Variants in ABR observed in about 807,000 individuals in gnomAD.
ABR encodes the protein active breakpoint cluster region-related protein.
A neutral mutation model predicts 107.2 loss-of-function variants in ABR; 35 were observed. The observed-to-expected ratio is 0.33, with a 90% CI of 0.25 to 0.43. ABR has a LOEUF of 0.43. Ranked by LOEUF, ABR falls within the 20% of genes least tolerant of loss-of-function variation. The pLI, the probability that ABR is intolerant of heterozygous loss-of-function variation, is 1.00. For synonymous variants in ABR, 498 were observed against 462.0 expected, an observed-to-expected ratio of 1.08 and a Z score of -1.00; for missense variants, 815 against 1,115.2, an observed-to-expected ratio of 0.73 and a Z score of 3.83.
chr17:1,175,411 C>CA (rs1030687714), intron 1 of ABR, among the ~76,000 whole-genome samples: 18 of 151,600 alleles, frequency 1.2e-4, no homozygotes, highest in African/African-American at 3.9e-4. Context: ...GACTCTGTCT[C>CA]AAAAAAAAGA....
rs991196237 is a variant in ABR, at chr17:1,066,934, C to G, written c.1182+143G>C. 5.1e-6 allele frequency: 4 copies of G among 779,512 alleles called. No individual in the cohort carries two copies. The African/African-American group carries it at 7.0e-5, about 14-fold the overall frequency. 48.3% of individuals were successfully genotyped at this position (779,512 alleles called of 1,614,324 possible). On this transcript the variant is annotated intron_variant, in intron 10 of 22. Coordinates refer to ENST00000302538, the MANE Select transcript of ABR (RefSeq NM_021962.5). ...ACTGACCCCCTCGATCTGCTTGGAG[C>G]TACTGTAGTCGGGGTCTTTCCCTTA...
At chr17:1,009,830 C>A (rs757626699) in intron 20 of ABR, 46 bp from the exon 21 acceptor site, 1 of 1,528,666 alleles carries the variant, frequency 6.5e-7, no homozygotes, top group Non-Finnish European at 9.1e-7. Flanking sequence ...CTGGGGCTCC[C>A]CGCCAGGGCC....
rs888327552 is a variant in ABR at position 1,078,037 on chromosome 17, C to CCCCCAG, written c.700+1292_700+1293insCTGGGG. On this transcript the variant is annotated intron_variant, in intron 6 of 22. Transcript: ENST00000302538. The surrounding 1 kb of genome is among the most constrained non-coding windows in gnomAD (Gnocchi z 7.5). ...ATGACATGCACCTGTCCCGGGACTTCCCCCCAGCCCCCAGCCAGCTGCGGG... is the reference window on the plus strand; with the variant it reads ...ATGACATGCACCTGTCCCGGGACTTCCCCCAGCCCCCAGCCCCCAGCCAGCTGCGGG... Among the ~76,000 whole-genome samples, 15 of 4,416 alleles carry CCCCCAG rather than the reference C, an allele frequency of 3.4e-3. No individual in the cohort carries two copies. Among genetic ancestry groups the CCCCCAG allele is most frequent in the Non-Finnish European group, 4.6e-3 (12 of 2,598 alleles). 2.9% of individuals were successfully genotyped at this position (4,416 alleles called of 152,430 possible).
chr17:1,169,208 G>A lies in ABR; in HGVS notation c.61+10459C>T, dbSNP rs558980225. On this transcript the variant is annotated intron_variant, in intron 1 of 22. Transcript: ENST00000302538. ...CGCAGGAAGAGGGTGAGCAGAGGAG[G>A]GCAGAGAAGACCTGGTGCGTCCCCC... Among the ~76,000 whole-genome samples the A allele has an allele frequency of 3.3e-5, 5 of 152,328 alleles. No homozygotes were observed. The East Asian group carries it at 9.6e-4, about 29-fold the overall frequency.
upstream of ABR, chr17:1,179,987 C>G (rs1468234491): frequency 2.1e-5 from 2 of 93,552 alleles, no homozygotes; most frequent in Non-Finnish European, 4.1e-5. This position sits in a 1 kb window ranked among gnomAD's most constrained non-coding sequence, Gnocchi z 4.9. Context: ...TGAGCAACTT[C>G]GCGGGGGGCG....
At chr17:1,042,180 A>G (rs79245702) in intron 16 of ABR, among the ~76,000 whole-genome samples, 1 of 100,702 alleles carries the variant, frequency 9.9e-6, no homozygotes, top group Admixed American at 1.1e-4. Flanking sequence ...ACGGACGGAC[A>G]GACGGATAAA....
At position 1,119,956 on chromosome 17, in the gene ABR, G is replaced by A. The variant is rs75330780; in HGVS notation, c.246+5227C>T. Among the ~76,000 whole-genome samples the A allele has an allele frequency of 1.7e-4, 26 of 152,266 alleles. No individual in the cohort carries two copies. The East Asian group carries it at 2.9e-3, about 17-fold the overall frequency. The stretch of plus-strand genomic sequence containing the variant: ...CGGGGTACAATGCCTATTCGCAGGC[G>A]TGATCCTAGCACCTCTCAGCCTCCA... On this transcript the variant is annotated intron_variant, in intron 2 of 22. Transcript: ENST00000302538.
chr17:1,169,125 G>T (rs994946790), intron 1 of ABR, among the ~76,000 whole-genome samples: 1 of 152,202 alleles, frequency 6.6e-6, no homozygotes, highest in Non-Finnish European at 1.5e-5. Context: ...GAGGGAGGAC[G>T]TGGGTTTTGT....
At chr17:1,015,986 T>C (rs1445850418) in intron 16 of ABR, among the ~76,000 whole-genome samples, 1 of 152,170 alleles carries the variant, frequency 6.6e-6, no homozygotes, top group African/African-American at 2.4e-5. Context: ...GCCCAGGAGT[T>C]CGAGACCAGC....
intron 1 of ABR, among the ~76,000 whole-genome samples, chr17:1,202,780 CTT>C (rs2150721122): frequency 6.6e-6 from 1 of 152,200 alleles, no homozygotes; most frequent in East Asian, 1.9e-4. Flanking sequence ...AAATGGCCCT[CTT>C]GTTTCAACAA....
At chr17:1,132,884 A>G (rs1163836912) in intron 1 of ABR, among the ~76,000 whole-genome samples, 4 of 152,210 alleles carry the variant, frequency 2.6e-5, no homozygotes, top group Admixed American at 6.5e-5. Flanking sequence ...TTAAGATAAT[A>G]ATAACAATAT....
intron 1 of ABR, among the ~76,000 whole-genome samples, chr17:1,129,464 G>A (rs925194992): frequency 1.3e-5 from 2 of 152,040 alleles, no homozygotes; most frequent in East Asian, 3.9e-4. Flanking sequence ...CCCAGGAGGC[G>A]GGGCTTGCAG....
Position 1,148,270 on chromosome 17 carries a change from G to A in ABR, c.62-22903C>T, listed in dbSNP as rs1008216787. ...ACGGATATTATTCGGCTTATATTCC[G>A]ACACAGGCCAATTCTGACATCGATG... On this transcript the variant is annotated intron_variant, in intron 1 of 22. Transcript: ENST00000302538. The surrounding 1 kb of genome is among the most constrained non-coding windows in gnomAD (Gnocchi z 4.9). Among the ~76,000 whole-genome samples, 7 of 152,314 alleles carry A rather than the reference G, an allele frequency of 4.6e-5. No homozygotes were observed. Among genetic ancestry groups the A allele is most frequent in the Admixed American group, 1.3e-4 (2 of 15,298 alleles).
At chr17:1,219,393 A>G (rs2150755832) in intron 1 of ABR, among the ~76,000 whole-genome samples, 1 of 148,744 alleles carries the variant, frequency 6.7e-6, no homozygotes, top group East Asian at 2.1e-4. Flanking sequence ...CCTTCTCACT[A>G]TGTTAGTGAT....
At chr17:1,199,690 T>C (rs1193402625) in intron 1 of ABR, among the ~76,000 whole-genome samples, 1 of 152,122 alleles carries the variant, frequency 6.6e-6, no homozygotes, top group Non-Finnish European at 1.5e-5. Flanking sequence ...TGACCTCAGG[T>C]GATCCACCCA....
chr17:1,103,741 G>A (rs1030445305), intron 2 of ABR, among the ~76,000 whole-genome samples: 5 of 152,290 alleles, frequency 3.3e-5, no homozygotes, highest in African/African-American at 9.6e-5. Context: ...TCTGGGCCCC[G>A]TTCACGCTGC....
At chr17:1,008,766 C>T (rs1453965404) in intron 21 of ABR, among the ~76,000 whole-genome samples, 1 of 152,228 alleles carries the variant, frequency 6.6e-6, no homozygotes, top group Non-Finnish European at 1.5e-5. Context: ...TCTGAGGGGG[C>T]TCCCCGGTCC....
intron 2 of ABR, among the ~76,000 whole-genome samples, chr17:1,106,450 G>C (rs2038252899): frequency 6.6e-6 from 1 of 151,398 alleles, no homozygotes; most frequent in Non-Finnish European, 1.5e-5. Context: ...CACGCATCCA[G>C]GCCATCCCCA....
At chr17:1,058,613 G>C in intron 11 of ABR, 132 bp downstream of exon 11, 1 of 1,245,942 alleles carries the variant, frequency 8.0e-7, no homozygotes, top group Non-Finnish European at 1.1e-6. Flanking sequence ...TCAACAGCTG[G>C]AGCCATGGCA....
Sources: gnomAD v4.1 joint callset for allele counts (sites outside exome capture counted in the v4.1 genomes callset) on GRCh38, gnomAD v4.1.1 for gene constraint, Gnocchi (gnomAD v3.1) non-coding constraint, MANE v1.5 for transcripts, NCBI Gene and HGNC (gene_info 2026-07-23, HGNC 2026-07-21) for gene names.